Variants in SYN3 observed in about 807,000 individuals in gnomAD.
SYN3 encodes synapsin-3.
Under a neutral mutation model 65.8 loss-of-function variants are expected in SYN3, and 35 were observed. The observed-to-expected ratio is 0.53, with a 90% confidence interval of 0.41 to 0.70. The LOEUF (loss-of-function observed/expected upper bound fraction) is 0.70. Among genes scored for constraint, SYN3 ranks in the 30% least tolerant of loss-of-function variants. SYN3 has a pLI of 0.00. For synonymous variants in SYN3, 270 were observed against 292.9 expected (o/e 0.92, Z 0.80); for missense variants, 680 against 749.0 (o/e 0.91, Z 1.08).
chr22:32,968,366 A>G (rs1334703405), intron 3 of SYN3, among the ~76,000 whole-genome samples: 1 of 152,208 alleles, frequency 6.6e-6, no homozygotes, highest in African/African-American at 2.4e-5. Context: ...TTCTGCCTCC[A>G]GTCTCAAGCC....
rs1202503649 is a variant in SYN3, at chr22:32,509,635, C to T, written c.*4057G>A. On this transcript the variant is annotated 3_prime_UTR_variant, in exon 14 of 14. Transcript: ENST00000358763. ...CCAGGCTGGAGTGCAGTGGTGCGAT[C>T]TCGGCTCACTGCAAGCTCCGCCTCC... Among the ~76,000 whole-genome samples the T allele has an allele frequency of 6.6e-6, 1 of 152,028 alleles. No individual in the cohort carries two copies. The highest frequency in any genetic ancestry group is 1.5e-5 in the Non-Finnish European group (1 of 68,010).
intron 1 of SYN3, among the ~76,000 whole-genome samples, chr22:33,025,034 G>A (rs183235978): frequency 8.1e-4 from 124 of 152,266 alleles, no homozygotes; most frequent in African/African-American, 2.9e-3. Flanking sequence ...GCCCCATTTT[G>A]TCTGAGTCTG....
intron 6 of SYN3, among the ~76,000 whole-genome samples, chr22:32,602,939 A>C (rs2059306511): frequency 6.6e-6 from 1 of 151,656 alleles, no homozygotes; most frequent in Non-Finnish European, 1.5e-5. Flanking sequence ...CCAGTCCAGG[A>C]GATTTTCAAA....
rs2060454848 is a variant in SYN3 at position 32,676,950 on chromosome 22, T to A, written c.712-80214A>T. On this transcript the variant is annotated intron_variant, in intron 6 of 13. Transcript: ENST00000358763. ...ACCATGCACACTTGGGAATTATTCT[T>A]CCCCTTTACAGGTGAGAAAACAAAG... Among the ~76,000 whole-genome samples, 4 of 152,222 alleles carry A rather than the reference T, an allele frequency of 2.6e-5. No homozygotes were observed. In the South Asian group the frequency reaches 8.3e-4, roughly 32 times the overall value.
At chr22:32,841,532 G>C (rs2047901947) in intron 6 of SYN3, among the ~76,000 whole-genome samples, 1 of 152,156 alleles carries the variant, frequency 6.6e-6, no homozygotes, top group African/African-American at 2.4e-5. Context: ...CGGGTGCAGG[G>C]AAGGCCTGTT....
At chr22:32,648,422 A>G (rs1342317058) in intron 6 of SYN3, among the ~76,000 whole-genome samples, 1 of 152,244 alleles carries the variant, frequency 6.6e-6, no homozygotes, top group Non-Finnish European at 1.5e-5. Flanking sequence ...ACTTAAAAAT[A>G]TCAATAATTA....
intron 7 of SYN3, among the ~76,000 whole-genome samples, chr22:32,589,266 A>G (rs1396817925): frequency 6.6e-6 from 1 of 152,216 alleles, no homozygotes; most frequent in East Asian, 1.9e-4. Flanking sequence ...CTGCATCAAC[A>G]TGATATTGAG....
At chr22:32,518,385 G>T in intron 12 of SYN3, 51 bp from the exon 13 acceptor site, 2 of 1,598,792 alleles carry the variant, frequency 1.3e-6, no homozygotes, top group South Asian at 1.1e-5. Flanking sequence ...TCTTAGGATA[G>T]ATATGGCTGT....
chr22:32,925,663 T>C (rs1301664344), intron 4 of SYN3, among the ~76,000 whole-genome samples: 2 of 152,166 alleles, frequency 1.3e-5, no homozygotes, highest in African/African-American at 4.8e-5. Flanking sequence ...TGCAGGGCCA[T>C]GTTGAGAACA....
Position 32,813,862 on chromosome 22 carries a change from G to C in SYN3, c.711+51053C>G, listed in dbSNP as rs573080081. 5.7e-4 allele frequency among the ~76,000 whole-genome samples: 87 copies of C among 152,158 alleles called. 1 individual carries two copies. Among genetic ancestry groups the C allele is most frequent in the African/African-American group, 2.0e-3 (84 of 41,504 alleles). ...CAATAATAGTACTCTTAACCTCATA[G>C]GTTGTGGAAGAATTCACAGACACAA... On this transcript the variant is annotated intron_variant, in intron 6 of 13. Coordinates refer to ENST00000358763, the MANE Select transcript of SYN3 (RefSeq NM_003490.4).
chr22:32,701,401 G>A (rs762176909), intron 6 of SYN3, among the ~76,000 whole-genome samples: 1 of 152,036 alleles, frequency 6.6e-6, no homozygotes, highest in East Asian at 1.9e-4. Flanking sequence ...AAATTACCAG[G>A]TATGTAAGAA....
chr22:32,558,113 G>C (rs2058529790), intron 7 of SYN3, among the ~76,000 whole-genome samples: 1 of 152,182 alleles, frequency 6.6e-6, no homozygotes, highest in South Asian at 2.1e-4. Flanking sequence ...CTAGCACATA[G>C]TAGGTGCTTA....
intron 3 of SYN3, among the ~76,000 whole-genome samples, chr22:32,964,929 G>A (rs1031144130): frequency 1.3e-5 from 2 of 152,074 alleles, no homozygotes; most frequent in Non-Finnish European, 2.9e-5. Context: ...ATGGTAGTTT[G>A]ACTCTACAGT....
At chr22:32,962,356 G>C (rs914572987) in intron 3 of SYN3, among the ~76,000 whole-genome samples, 1 of 151,898 alleles carries the variant, frequency 6.6e-6, no homozygotes, top group Non-Finnish European at 1.5e-5. Context: ...GGATGGTCTC[G>C]ATCTCTTGAC....
At chr22:32,951,090 A>C (rs2051276263) in intron 3 of SYN3, among the ~76,000 whole-genome samples, 1 of 152,184 alleles carries the variant, frequency 6.6e-6, no homozygotes, top group Non-Finnish European at 1.5e-5. Context: ...AGCCAAAGAC[A>C]CTCATTCAAA....
intron 6 of SYN3, among the ~76,000 whole-genome samples, chr22:32,826,360 C>T (rs1047314483): frequency 1.2e-4 from 18 of 151,992 alleles, no homozygotes; most frequent in Non-Finnish European, 2.6e-4. Flanking sequence ...ACCCGGGAGG[C>T]GGAGGTTGCA....
At chr22:32,662,124 A>G (rs1463496145) in intron 6 of SYN3, among the ~76,000 whole-genome samples, 2 of 152,134 alleles carry the variant, frequency 1.3e-5, no homozygotes, top group Non-Finnish European at 2.9e-5. Flanking sequence ...CTGATTGGTC[A>G]TCTCTGTAGC....
rs112139674 is a variant in SYN3 at position 32,837,441 on chromosome 22, G to T, written c.711+27474C>A. 6.6e-6 allele frequency among the ~76,000 whole-genome samples: 1 copy of T among 152,122 alleles called. No individual in the cohort carries two copies. The highest frequency in any genetic ancestry group is 2.1e-4 in the South Asian group (1 of 4,828). On this transcript the variant is annotated intron_variant, in intron 6 of 13. Coordinates refer to ENST00000358763, the MANE Select transcript of SYN3 (RefSeq NM_003490.4). This position sits in a 1 kb window ranked among gnomAD's most constrained non-coding sequence, Gnocchi z 4.1. ...GTCAGCATGCCCCCTTAAACTTGAT[G>T]TCTCCTCAGAGCACAGCACAGATGC... is the stretch of plus-strand genomic sequence containing the variant.
intron 6 of SYN3, among the ~76,000 whole-genome samples, chr22:32,839,454 T>C (rs908090362): frequency 3.9e-5 from 6 of 152,130 alleles, no homozygotes; most frequent in Non-Finnish European, 7.4e-5. Context: ...AGTCGCCTCA[T>C]TGGACCCTTA....
Sources: allele counts gnomAD v4.1 joint callset (sites outside exome capture counted in the v4.1 genomes callset), GRCh38; gene constraint gnomAD v4.1.1; non-coding constraint Gnocchi (gnomAD v3.1); transcripts MANE v1.5; gene names NCBI Gene and HGNC (gene_info 2026-07-23, HGNC 2026-07-21).